The following TBX4 variants were observed in gnomAD, a reference collection of about 807,000 sequenced individuals.
The protein encoded by TBX4 is T-box transcription factor 4.
TBX4 carries 13 observed loss-of-function variants against 54.6 expected under a neutral mutation model. The ratio of observed to expected loss-of-function variants is 0.24; its 90% CI spans 0.15 to 0.38. The LOEUF (loss-of-function observed/expected upper bound fraction) is 0.38, where lower values mean the gene tolerates loss of function less well. Ranked by LOEUF, TBX4 falls within the 10% of genes least tolerant of loss-of-function variation. The pLI, the probability that TBX4 is intolerant of heterozygous loss-of-function variation, is 1.00. For missense variants in TBX4, 631 were observed against 728.5 expected, an observed-to-expected ratio of 0.87 and a Z score of 1.54; for synonymous variants, 314 against 306.7, an observed-to-expected ratio of 1.02 and a Z score of -0.25.
intron 1 of TBX4, among the ~76,000 whole-genome samples, chr17:61,453,282 A>C (rs1241822815): frequency 6.6e-6 from 1 of 152,206 alleles, no homozygotes; most frequent in Non-Finnish European, 1.5e-5. Flanking sequence ...AACCAATTGC[A>C]CTAATATAAC....
intron 1 of TBX4, among the ~76,000 whole-genome samples, chr17:61,454,759 C>A (rs939466821): frequency 1.3e-5 from 2 of 151,990 alleles, no homozygotes; most frequent in African/African-American, 4.8e-5. Context: ...GCGCAGGGCG[C>A]GAGCCGCAGG....
At position 61,475,354 on chromosome 17, in the gene TBX4, G is replaced by A. The variant is rs2060612569; in HGVS notation, c.550-3273G>A. ...CAGCAGTGGTAGGAGGGGATGTGGG[G>A]GAAAGAGGAGGAAATACAAAAGGCC... On this transcript the variant is annotated intron_variant, in intron 5 of 8. Coordinates refer to ENST00000644296, the MANE Select transcript of TBX4 (RefSeq NM_001321120.2). This position sits in a 1 kb window ranked among gnomAD's most constrained non-coding sequence, Gnocchi z 5.0. Among the ~76,000 whole-genome samples the A allele has an allele frequency of 6.6e-6, 1 of 152,200 alleles. No homozygotes were observed. The highest frequency in any genetic ancestry group is 2.4e-5 in the African/African-American group (1 of 41,438).
In TBX4 at chr17:61,474,881, C is replaced by G. The variant is rs1161008765; in HGVS notation, c.550-3746C>G. On this transcript the variant is annotated intron_variant, in intron 5 of 8. Transcript: ENST00000644296. The surrounding 1 kb of genome is among the most constrained non-coding windows in gnomAD (Gnocchi z 4.6). ...GCTCAAGTTTATACTTGTCTTGGCTCAATGGGTGGGACTTTCTTCCAGATA... is the reference window on the plus strand; with the variant it reads ...GCTCAAGTTTATACTTGTCTTGGCTGAATGGGTGGGACTTTCTTCCAGATA... Among the ~76,000 whole-genome samples, 1 of 152,208 alleles carries G rather than the reference C, an allele frequency of 6.6e-6. No homozygotes were observed. Among genetic ancestry groups the G allele is most frequent in the Non-Finnish European group, 1.5e-5 (1 of 68,044 alleles).
At position 61,457,073 on chromosome 17, in the gene TBX4, T is replaced by C. The variant is rs2060456645; in HGVS notation, c.186+397T>C. ...GTGCGCACGGGAGCCGCTGCGGGGA[T>C]CCGAGGCCTCTGGGACGTCGCCGAG... On this transcript the variant is annotated intron_variant, in intron 2 of 8. Transcript: ENST00000644296. This position sits in a 1 kb window ranked among gnomAD's most constrained non-coding sequence, Gnocchi z 8.2. Among the ~76,000 whole-genome samples the C allele has an allele frequency of 6.6e-6, 1 of 152,156 alleles. No individual in the cohort carries two copies.
At chr17:61,455,347 A>C (rs2060439375) in intron 1 of TBX4, among the ~76,000 whole-genome samples, 1 of 152,202 alleles carries the variant, frequency 6.6e-6, no homozygotes, top group Non-Finnish European at 1.5e-5. Context: ...ATTCCGCCTC[A>C]AGAAGGGCCG....
Position 61,482,943 on chromosome 17 carries a change from G to A in TBX4, c.1068G>A (p.Leu356=). The A allele has an allele frequency of 6.2e-7, 1 of 1,613,844 alleles. No individual in the cohort carries two copies. Among genetic ancestry groups the A allele is most frequent in the Non-Finnish European group, 8.5e-7 (1 of 1,179,938 alleles). Residue 356 remains leucine (L), a synonymous_variant, in exon 9 of 9, where the codon CTG becomes CTA. Transcript: ENST00000644296. The stretch of plus-strand genomic sequence containing the variant: ...ACTTACCTTGCAAGCGATCCTATCT[G>A]GAAGCCCCCTCTTCGGTGGGGGAGG... ...HLDLPCKRSY[L]EAPSSVGEDH... is the part of the protein sequence containing the mutation.
In TBX4 at chr17:61,474,708, G is replaced by A. The variant is rs2060606518; in HGVS notation, c.550-3919G>A. ...ATGTAGTGGGGTTGTTGACGTGGCT[G>A]GCCCATTTGGCCCCATATCCTCTGC... On this transcript the variant is annotated intron_variant, in intron 5 of 8. Transcript: ENST00000644296. This position sits in a 1 kb window ranked among gnomAD's most constrained non-coding sequence, Gnocchi z 4.6. 6.6e-6 allele frequency among the ~76,000 whole-genome samples: 1 copy of A among 152,202 alleles called. No homozygotes were observed. The highest frequency in any genetic ancestry group is 6.5e-5 in the Admixed American group (1 of 15,280).
At chr17:61,473,725 A>G (rs1335546295) in intron 5 of TBX4, among the ~76,000 whole-genome samples, 4 of 152,240 alleles carry the variant, frequency 2.6e-5, no homozygotes, top group Non-Finnish European at 5.9e-5. Flanking sequence ...CCTGACCCTC[A>G]GTCCCTTGCC....
intron 5 of TBX4, 60 bp downstream of exon 5, chr17:61,467,717 C>T (rs578191406): frequency 1.2e-6 from 2 of 1,606,986 alleles, no homozygotes; most frequent in African/African-American, 2.7e-5. Flanking sequence ...AGGGGTGGGA[C>T]AGGCCAGGAT....
rs1308021363 is a variant in TBX4 at position 61,481,634 on chromosome 17, A to T, written c.1022-1263A>T. On this transcript the variant is annotated intron_variant, in intron 8 of 8. Coordinates refer to ENST00000644296, the MANE Select transcript of TBX4 (RefSeq NM_001321120.2). This position sits in a 1 kb window ranked among gnomAD's most constrained non-coding sequence, Gnocchi z 4.8. ...AGGGGCAGAGGAGAGAGGTGAGCAG[A>T]GGCCTTCACACCCATTTAGCCCCTC... is the stretch of plus-strand genomic sequence containing the variant. 6.6e-6 allele frequency among the ~76,000 whole-genome samples: 1 copy of T among 152,190 alleles called. No homozygotes were observed. The highest frequency in any genetic ancestry group is 2.4e-5 in the African/African-American group (1 of 41,430).
Position 61,478,376 on chromosome 17 carries a change from G to T in TBX4, c.550-251G>T. The T allele has an allele frequency of 1.8e-6, 1 of 559,746 alleles. No homozygotes were observed. Among genetic ancestry groups the T allele is most frequent in the East Asian group, 3.1e-5 (1 of 31,914 alleles). 34.7% of individuals were successfully genotyped at this position (559,746 alleles called of 1,614,324 possible). ...CTCCATTACCACAGTGAATCAACTG[G>T]TCACATCAAGGAGGGCCTGGAGCTG... On this transcript the variant is annotated intron_variant, in intron 5 of 8. Transcript: ENST00000644296. This position sits in a 1 kb window ranked among gnomAD's most constrained non-coding sequence, Gnocchi z 7.4.
At chr17:61,452,921 G>A (rs1199662557) in intron 1 of TBX4, 1 of 985,438 alleles carries the variant, frequency 1.0e-6, no homozygotes, top group Non-Finnish European at 1.2e-6. Flanking sequence ...CTGGAAATTG[G>A]TGTTTGCAGA....
chr17:61,467,272 A>T (rs1456588868), intron 4 of TBX4, among the ~76,000 whole-genome samples: 1 of 152,082 alleles, frequency 6.6e-6, no homozygotes, highest in Non-Finnish European at 1.5e-5. Context: ...TTTCCCTGTA[A>T]CCTCCCTTTT....
At position 61,460,716 on chromosome 17, in the gene TBX4, T is replaced by A. The variant is rs966573272; in HGVS notation, c.281+3085T>A. ...AACTGCATTTTCTCCCAAACATAGA[T>A]AAAAGTGAGCTCCACAAAAAAATTT... On this transcript the variant is annotated intron_variant, in intron 3 of 8. Transcript: ENST00000644296. This position sits in a 1 kb window ranked among gnomAD's most constrained non-coding sequence, Gnocchi z 4.4. Among the ~76,000 whole-genome samples, 3 of 152,052 alleles carry A rather than the reference T, an allele frequency of 2.0e-5. No individual in the cohort carries two copies. Among genetic ancestry groups the A allele is most frequent in the Non-Finnish European group, 4.4e-5 (3 of 68,004 alleles).
rs2060480231 is a variant in TBX4, at chr17:61,459,587, C to G, written c.281+1956C>G. 6.6e-6 allele frequency among the ~76,000 whole-genome samples: 1 copy of G among 152,216 alleles called. No homozygotes were observed. Among genetic ancestry groups the G allele is most frequent in the Non-Finnish European group, 1.5e-5 (1 of 68,046 alleles). ...TTTTCCTCAGTAGTGTTTCCTGCAT[C>G]TGCATGGGTCCTCCTCCTCCCTCTC... On this transcript the variant is annotated intron_variant, in intron 3 of 8. Transcript: ENST00000644296. The surrounding 1 kb of genome is among the most constrained non-coding windows in gnomAD (Gnocchi z 4.8).
rs1352152382 is a variant in TBX4 at position 61,462,547 on chromosome 17, G to T, written c.282-3272G>T. On this transcript the variant is annotated intron_variant, in intron 3 of 8. Transcript: ENST00000644296. The surrounding 1 kb of genome is among the most constrained non-coding windows in gnomAD (Gnocchi z 4.5). ...AGGGTAGGGGGCATAGGGAGAGGGT[G>T]CAGGGAGGGGAGAGGGGGAGCGCGC... is the stretch of plus-strand genomic sequence containing the variant. Among the ~76,000 whole-genome samples, 2 of 150,896 alleles carry T rather than the reference G, an allele frequency of 1.3e-5. No individual in the cohort carries two copies. The highest frequency in any genetic ancestry group is 3.4e-3 in the Middle Eastern group (1 of 292).
At position 61,458,239 on chromosome 17, in the gene TBX4, C is replaced by T. The variant is rs552750430; in HGVS notation, c.281+608C>T. 9.9e-4 allele frequency among the ~76,000 whole-genome samples: 143 copies of T among 144,338 alleles called. 1 individual carries two copies. The highest frequency in any genetic ancestry group is 3.7e-3 in the East Asian group (17 of 4,592). 94.7% of individuals were successfully genotyped at this position (144,338 alleles called of 152,430 possible). On this transcript the variant is annotated intron_variant, in intron 3 of 8. Coordinates refer to ENST00000644296, the MANE Select transcript of TBX4 (RefSeq NM_001321120.2). ...ATAAAGTGGAAACATCTTTAAAATGCGCTGGTGTCTGTGGGAGAGAACAGG... is the reference window on the plus strand; with the variant it reads ...ATAAAGTGGAAACATCTTTAAAATGTGCTGGTGTCTGTGGGAGAGAACAGG...
At chr17:61,458,013 A>G (rs1399505242) in intron 3 of TBX4, among the ~76,000 whole-genome samples, 1 of 152,218 alleles carries the variant, frequency 6.6e-6, no homozygotes, top group Non-Finnish European at 1.5e-5. Flanking sequence ...GATGCCTCTC[A>G]GCAGATGGGG....
In TBX4 at chr17:61,457,594, G is replaced by C; in HGVS notation, c.244G>C (p.Glu82Gln). The C allele has an allele frequency of 6.2e-7, 1 of 1,613,984 alleles. No homozygotes were observed. Among genetic ancestry groups the C allele is most frequent in the Non-Finnish European group, 8.5e-7 (1 of 1,179,990 alleles). The change falls in exon 3 of 9, where the codon GAG becomes CAG. Residue 82 changes from glutamate (E) to glutamine (Q), a missense_variant. By Grantham distance (29) the Glu-to-Gln change is conservative. This residue lies in a region of TBX4 where 123 missense variants were observed against 120.9 expected (regional missense o/e 1.02). Coordinates refer to ENST00000644296, the MANE Select transcript of TBX4 (RefSeq NM_001321120.2). The surrounding 1 kb of genome is among the most constrained non-coding windows in gnomAD (Gnocchi z 8.2). ...HEKELWKKFH[E>Q]AGTEMIITKA... Reference sequence around the variant, plus strand: ...GAAGGAGCTCTGGAAGAAGTTCCACGAGGCGGGCACCGAGATGATCATCAC... The same window carrying C: ...GAAGGAGCTCTGGAAGAAGTTCCACCAGGCGGGCACCGAGATGATCATCAC...
Sources: allele counts gnomAD v4.1 joint callset (sites outside exome capture counted in the v4.1 genomes callset), GRCh38; gene constraint gnomAD v4.1.1; regional missense constraint gnomAD v4.1.1; non-coding constraint Gnocchi (gnomAD v3.1); transcripts MANE v1.5; gene names NCBI Gene and HGNC (gene_info 2026-07-23, HGNC 2026-07-21).